Variants in EFCAB11 observed in about 807,000 individuals in gnomAD.
EFCAB11 encodes the protein EF-hand calcium binding domain 11, also known as EF-hand calcium-binding domain-containing protein 11.
A neutral mutation model predicts 23.0 loss-of-function variants in EFCAB11; 14 were observed. The ratio of observed to expected loss-of-function variants is 0.61; its 90% CI spans 0.40 to 0.95. EFCAB11 has a LOEUF of 0.95. Ranked by LOEUF, EFCAB11 falls within the 40% of genes least tolerant of loss-of-function variation. The probability of loss-of-function intolerance (pLI) is 0.00; values close to 1 mark genes in which losing one functional copy is unlikely to be tolerated. For missense variants in EFCAB11, 198 were observed against 195.8 expected, an observed-to-expected ratio of 1.01 and a Z score of -0.07; for synonymous variants, 65 against 66.6, an observed-to-expected ratio of 0.98 and a Z score of 0.11.
At chr14:89,846,278 C>T (rs533156781) in intron 5 of EFCAB11, among the ~76,000 whole-genome samples, 3 of 152,320 alleles carry the variant, frequency 2.0e-5, no homozygotes, top group East Asian at 1.9e-4. Context: ...CCCTACCAGT[C>T]TCAGGATGAA....
intron 3 of EFCAB11, among the ~76,000 whole-genome samples, chr14:89,936,273 A>C (rs544808834): frequency 6.6e-6 from 1 of 152,246 alleles, no homozygotes; most frequent in African/African-American, 2.4e-5. Context: ...TGTAATTCAC[A>C]AGGAAAAAAA....
intron 3 of EFCAB11, among the ~76,000 whole-genome samples, chr14:89,942,999 C>A (rs1890843888): frequency 6.6e-6 from 1 of 152,132 alleles, no homozygotes; most frequent in Admixed American, 6.5e-5. Flanking sequence ...CGGACTCTGG[C>A]CCTTCCTAAA....
chr14:89,809,123 CCT>C lies in EFCAB11; in HGVS notation c.411-11801_411-11800del, dbSNP rs1474175412. Among the ~76,000 whole-genome samples the C allele has an allele frequency of 2.6e-5, 4 of 152,196 alleles. No individual in the cohort carries two copies. In the East Asian group the frequency reaches 7.7e-4, roughly 29 times the overall value. On this transcript the variant is annotated intron_variant, in intron 5 of 5. Transcript: ENST00000316738. The stretch of plus-strand genomic sequence containing the variant: ...CATCCTCATTCCCCGACCCTGTCCA[CCT>C]CTCTCCCTCTGCCCAGCACTAAGCA...
intron 5 of EFCAB11, among the ~76,000 whole-genome samples, chr14:89,922,537 C>T (rs1890052718): frequency 6.6e-6 from 1 of 152,144 alleles, no homozygotes; most frequent in African/African-American, 2.4e-5. Context: ...GCCTAGAACT[C>T]ATCCTGGGGC....
In EFCAB11 at chr14:89,794,758, A is replaced by G. The variant is rs1885518718; in HGVS notation, c.*2485T>C. 6.6e-6 allele frequency: 1 copy of G among 152,094 alleles called. No homozygotes were observed. The highest frequency in any genetic ancestry group is 2.4e-5 in the African/African-American group (1 of 41,426). The allele number at this position is 152,094 out of a possible 1,614,324, so 9.4% of individuals were successfully genotyped here. A position where few individuals can be genotyped will look rare whatever the true frequency, so the allele number is the denominator to read the frequency against. ...TTTAGTTTAACAGGTTTTGAATAAG[A>G]CTTTATTTTTTAAATGAATTTTTAA... On this transcript the variant is annotated 3_prime_UTR_variant, in exon 6 of 6. Transcript: ENST00000316738.
chr14:89,807,598 A>G (rs1362769003), intron 5 of EFCAB11, among the ~76,000 whole-genome samples: 1 of 152,206 alleles, frequency 6.6e-6, no homozygotes, highest in Non-Finnish European at 1.5e-5. Context: ...ATGCCCTCCT[A>G]ATTACATTGT....
At chr14:89,892,281 A>T in intron 5 of EFCAB11, 1 of 1,613,716 alleles carries the variant, frequency 6.2e-7, no homozygotes, top group Non-Finnish European at 8.5e-7. Context: ...AACAACTGCA[A>T]TGTGGACCTG....
chr14:89,804,939 G>A (rs1462045358), intron 5 of EFCAB11, among the ~76,000 whole-genome samples: 3 of 152,170 alleles, frequency 2.0e-5, no homozygotes, highest in African/African-American at 2.4e-5. Context: ...GACTTTAAGT[G>A]CTCCTTCAGA....
At chr14:89,915,136 T>C (rs138133132) in intron 5 of EFCAB11, among the ~76,000 whole-genome samples, 1 of 152,326 alleles carries the variant, frequency 6.6e-6, no homozygotes, top group African/African-American at 2.4e-5. Flanking sequence ...TACACATTAT[T>C]ATCATTTGCT....
intron 5 of EFCAB11, among the ~76,000 whole-genome samples, chr14:89,887,156 A>G (rs1888815300): frequency 6.6e-6 from 1 of 152,210 alleles, no homozygotes; most frequent in African/African-American, 2.4e-5. Context: ...AGCCTGACAG[A>G]TAGACAATAA....
At chr14:89,916,460 A>G (rs1310400627) in intron 5 of EFCAB11, among the ~76,000 whole-genome samples, 1 of 152,226 alleles carries the variant, frequency 6.6e-6, no homozygotes, top group African/African-American at 2.4e-5. Flanking sequence ...ATCGCTATAC[A>G]AATGTGTACT....
At chr14:89,808,433 G>A (rs1444228448) in intron 5 of EFCAB11, among the ~76,000 whole-genome samples, 1 of 152,040 alleles carries the variant, frequency 6.6e-6, no homozygotes, top group Non-Finnish European at 1.5e-5. Flanking sequence ...TCCATTAAAT[G>A]AGAGTGCAGG....
intron 3 of EFCAB11, among the ~76,000 whole-genome samples, chr14:89,947,368 T>C (rs1253027371): frequency 6.6e-6 from 1 of 152,204 alleles, no homozygotes; most frequent in African/African-American, 2.4e-5. Context: ...CTGCTAAGCT[T>C]GGAAACATGT....
At chr14:89,812,736 T>C (rs1886186781) in intron 5 of EFCAB11, among the ~76,000 whole-genome samples, 1 of 152,192 alleles carries the variant, frequency 6.6e-6, no homozygotes, top group South Asian at 2.1e-4. Context: ...GAAACAAAAA[T>C]GCTTAGATCA....
chr14:89,923,949 C>A, intron 5 of EFCAB11: 1 of 985,312 alleles, frequency 1.0e-6, no homozygotes, highest in Non-Finnish European at 1.2e-6. Flanking sequence ...TTCCTTTAGG[C>A]CCTCAGCTCT....
intron 5 of EFCAB11, among the ~76,000 whole-genome samples, chr14:89,834,260 C>G (rs1461535325): frequency 6.6e-6 from 1 of 151,292 alleles, no homozygotes; most frequent in Admixed American, 6.6e-5. Context: ...CCTGTAATCC[C>G]AGCTACTCAG....
chr14:89,925,250 G>A (rs868234660), intron 5 of EFCAB11, among the ~76,000 whole-genome samples: 1 of 152,210 alleles, frequency 6.6e-6, no homozygotes, highest in African/African-American at 2.4e-5. Flanking sequence ...TGGGACTGAT[G>A]TAAGATGAGT....
chr14:89,823,500 G>A, intron 5 of EFCAB11, among the ~76,000 whole-genome samples: 1 of 152,188 alleles, frequency 6.6e-6, no homozygotes, highest in East Asian at 1.9e-4. Context: ...TGTTAAGATT[G>A]TGGCAGTTTG....
At chr14:89,897,997 A>C (rs893633802) in intron 5 of EFCAB11, among the ~76,000 whole-genome samples, 2 of 152,262 alleles carry the variant, frequency 1.3e-5, no homozygotes, top group Non-Finnish European at 2.9e-5. Flanking sequence ...CAAAAAGCTA[A>C]AAGCACTGAA....
Sources: gnomAD v4.1 joint callset for allele counts (sites outside exome capture counted in the v4.1 genomes callset) on GRCh38, gnomAD v4.1.1 for gene constraint, MANE v1.5 for transcripts, NCBI Gene and HGNC (gene_info 2026-07-23, HGNC 2026-07-21) for gene names.